Variants in PCDHA1 observed in about 807,000 individuals in gnomAD.
The protein encoded by PCDHA1 is protocadherin alpha 1.
PCDHA1 carries 42 observed loss-of-function variants against 61.3 expected under a neutral mutation model. The observed-to-expected ratio is 0.69, with a 90% CI of 0.54 to 0.89. The LOEUF is 0.89. PCDHA1 is among the 40% of genes least tolerant of loss of function. PCDHA1 has a pLI of 0.00. For missense variants in PCDHA1, 1,256 were observed against 1,235.3 expected (o/e 1.02, Z -0.25); for synonymous variants, 610 against 553.8 (o/e 1.10, Z -1.43).
At chr5:140,920,503 A>G (rs1411233164) in intron 1 of PCDHA1, among the ~76,000 whole-genome samples, 1 of 152,126 alleles carries the variant, frequency 6.6e-6, no homozygotes, top group Non-Finnish European at 1.5e-5. Flanking sequence ...AGTTCTACAT[A>G]CTGTTTTATG....
At chr5:140,835,513 G>A in intron 1 of PCDHA1, 1 of 1,613,936 alleles carries the variant, frequency 6.2e-7, no homozygotes, top group Non-Finnish European at 8.5e-7. Context: ...GTGTTTGACC[G>A]AGATTTTGGA....
At chr5:140,795,054 G>T in intron 1 of PCDHA1, 1 of 1,613,894 alleles carries the variant, frequency 6.2e-7, no homozygotes. Context: ...GGAGCGGCCA[G>T]CTCCGCTACT....
intron 1 of PCDHA1, among the ~76,000 whole-genome samples, chr5:140,919,122 T>G (rs879989359): frequency 6.6e-6 from 1 of 152,224 alleles, no homozygotes; most frequent in African/African-American, 2.4e-5. Context: ...AGTTTTTGCT[T>G]CATGTGTTTT....
chr5:140,874,039 GTGA>G (rs1372721490), intron 1 of PCDHA1, among the ~76,000 whole-genome samples: 1 of 152,152 alleles, frequency 6.6e-6, no homozygotes, highest in African/African-American at 2.4e-5. Context: ...AAGAAACTTG[GTGA>G]TGATATTAGA....
At chr5:140,796,427 C>T in intron 1 of PCDHA1, 1 of 1,613,698 alleles carries the variant, frequency 6.2e-7, no homozygotes, top group Non-Finnish European at 8.5e-7. Flanking sequence ...CAGGAGAACG[C>T]GCTGGTGTCC....
chr5:140,880,810 T>C (rs552209492), intron 1 of PCDHA1, among the ~76,000 whole-genome samples: 90 of 152,330 alleles, frequency 5.9e-4, no homozygotes, highest in Non-Finnish European at 1.1e-3. Flanking sequence ...TGAATGACTC[T>C]AGAGTGTCTG....
chr5:140,877,155 C>A, intron 1 of PCDHA1: 1 of 1,613,798 alleles, frequency 6.2e-7, no homozygotes, highest in Non-Finnish European at 8.5e-7. Context: ...AGAACGACAA[C>A]GCGCCGGCAC....
intron 1 of PCDHA1, chr5:140,808,979 G>A: frequency 2.5e-6 from 4 of 1,613,674 alleles, no homozygotes; most frequent in Non-Finnish European, 3.4e-6. Context: ...GCGCGCGGTG[G>A]ATGCTGACTC....
intron 1 of PCDHA1, chr5:140,841,904 G>A (rs2150325203): frequency 1.9e-6 from 3 of 1,613,860 alleles, no homozygotes; most frequent in Non-Finnish European, 2.5e-6. Flanking sequence ...GGTTGAGCTC[G>A]TATTAAGAAA....
At chr5:140,969,109 T>C (rs782731369) in intron 1 of PCDHA1, 10 of 1,614,126 alleles carry the variant, frequency 6.2e-6, no homozygotes, top group Non-Finnish European at 8.5e-6. Flanking sequence ...TCATTGAAGT[T>C]CGAGGGAATG....
intron 1 of PCDHA1, chr5:140,849,567 C>G: frequency 1.3e-6 from 2 of 1,598,580 alleles, no homozygotes; most frequent in Non-Finnish European, 1.7e-6. Flanking sequence ...GCTCTCGGTT[C>G]CTGTAAAAGA....
At chr5:140,889,724 T>C (rs1198530950) in intron 1 of PCDHA1, among the ~76,000 whole-genome samples, 6 of 152,216 alleles carry the variant, frequency 3.9e-5, no homozygotes, top group African/African-American at 1.4e-4. Context: ...TGCTACTGTC[T>C]CACTGAGTAG....
intron 1 of PCDHA1, chr5:140,849,963 G>T: frequency 6.3e-7 from 1 of 1,597,872 alleles, no homozygotes; most frequent in Middle Eastern, 1.9e-4. Flanking sequence ...GAACGCCCTG[G>T]TGTCCTACTC....
At chr5:140,835,944 C>T (rs2150248798) in intron 1 of PCDHA1, 2 of 1,612,686 alleles carry the variant, frequency 1.2e-6, no homozygotes, top group Admixed American at 1.7e-5. Flanking sequence ...GTACGCGCTG[C>T]AGCCGTTGGA....
intron 1 of PCDHA1, among the ~76,000 whole-genome samples, chr5:140,965,255 G>C (rs1426270395): frequency 1.3e-5 from 2 of 152,196 alleles, no homozygotes; most frequent in Non-Finnish European, 2.9e-5. Context: ...ATTCAGAACT[G>C]AGCAGCAGAG....
chr5:140,858,158 G>A lies in PCDHA1; in HGVS notation c.2394+69474G>A, dbSNP rs781899082. On this transcript the variant is annotated intron_variant, in intron 1 of 3. Transcript: ENST00000504120. ...CGTGTACCTGATCATCGCCATCTGC[G>A]CGGTGTCCAGCTTGCTGGTGCTCAC... The A allele has an allele frequency of 6.3e-6, 10 of 1,597,616 alleles. 1 individual carries two copies. Among genetic ancestry groups the A allele is most frequent in the Admixed American group, 5.1e-5 (3 of 59,322 alleles).
intron 1 of PCDHA1, among the ~76,000 whole-genome samples, chr5:140,896,022 G>A (rs940712653): frequency 6.6e-6 from 1 of 152,136 alleles, no homozygotes; most frequent in East Asian, 1.9e-4. Context: ...TGTTGGCCAG[G>A]CTGGTCTCGA....
intron 1 of PCDHA1, chr5:140,797,208 G>A: frequency 3.1e-6 from 5 of 1,614,198 alleles, no homozygotes; most frequent in Non-Finnish European, 4.2e-6. Flanking sequence ...TGGGGAGCTG[G>A]TCTTACTCGC....
At chr5:140,905,766 A>G (rs782122019) in intron 1 of PCDHA1, among the ~76,000 whole-genome samples, 15 of 152,144 alleles carry the variant, frequency 9.9e-5, no homozygotes, top group African/African-American at 2.7e-4. Flanking sequence ...GGTTAAGTAT[A>G]TTCCGAAGTG....
Sources: gnomAD v4.1 joint callset for allele counts (sites outside exome capture counted in the v4.1 genomes callset) on GRCh38, gnomAD v4.1.1 for gene constraint, MANE v1.5 for transcripts, NCBI Gene and HGNC (gene_info 2026-07-23, HGNC 2026-07-21) for gene names.